Variants in MUC12 observed in about 807,000 individuals in gnomAD.
MUC12 encodes mucin-12.
Under a neutral mutation model 230.8 loss-of-function variants are expected in MUC12, and 172 were observed. The observed-to-expected ratio is 0.75, with a 90% CI of 0.66 to 0.85. The LOEUF (loss-of-function observed/expected upper bound fraction) is 0.85, where lower values mean the gene tolerates loss of function less well. Ranked by LOEUF, MUC12 falls within the 40% of genes least tolerant of loss-of-function variation. The probability of loss-of-function intolerance (pLI) is 0.00; values close to 1 mark genes in which losing one functional copy is unlikely to be tolerated. For missense variants in MUC12, 3,506 were observed against 5,920.6 expected, an observed-to-expected ratio of 0.59 and a Z score of 13.38; for synonymous variants, 1,259 against 2,401.9, an observed-to-expected ratio of 0.52 and a Z score of 13.91.
At chr7:100,972,652 G>C (rs536871746) in intron 1 of MUC12, among the ~76,000 whole-genome samples, 1 of 152,128 alleles carries the variant, frequency 6.6e-6, no homozygotes, top group Non-Finnish European at 1.5e-5. Context: ...ACAGGTGTGC[G>C]CCAACATGCT....
rs1414576951 is a variant in MUC12 at position 100,993,307 on chromosome 7, G to A, written c.2744G>A (p.Gly915Asp). ...TCAACAACTTCCCACAGCAGCTCAG[G>A]TTCAACTGACACAGCACTGTCCCCT... ...QESTTSHSSS[G>D]STDTALSPGS... Residue 915 changes from glycine to aspartate, a missense_variant, in exon 2 of 12, where the codon GGT (glycine) becomes GAT (aspartate). Gly to Asp is a moderately conservative substitution (Grantham distance 94). Transcript: ENST00000536621. The A allele has an allele frequency of 3.3e-6, 3 of 905,308 alleles. 1 individual carries two copies. The highest frequency in any genetic ancestry group is 1.6e-5 in the South Asian group (1 of 63,992). The allele number at this position is 905,308 out of a possible 1,614,324, so 56.1% of individuals were successfully genotyped here.
chr7:100,977,050 CAAAAAAAAAAAAAAAA>C (rs1157648244), intron 1 of MUC12, among the ~76,000 whole-genome samples: 7 of 62,414 alleles, frequency 1.1e-4, no homozygotes, highest in Admixed American at 2.1e-4. Context: ...GACTCCATCT[CAAAAAAAAAAAAAAAA>C]AAAAAAAAAA....
chr7:100,976,728 T>G (rs896180933), intron 1 of MUC12, among the ~76,000 whole-genome samples: 2 of 151,732 alleles, frequency 1.3e-5, no homozygotes, highest in African/African-American at 4.8e-5. Flanking sequence ...TGGGTTTTTA[T>G]ACGTGGGGAA....
chr7:100,982,768 T>C (rs550394109), intron 1 of MUC12, among the ~76,000 whole-genome samples: 55 of 151,964 alleles, frequency 3.6e-4, no homozygotes, highest in African/African-American at 1.3e-3. Context: ...CTTTCTCTGT[T>C]ACCCAAGCTG....
At position 100,991,530 on chromosome 7, in the gene MUC12, AC is replaced by A. The variant is rs576749793; in HGVS notation, c.969del (p.Leu324TrpfsTer84). 2.5e-5 allele frequency: 38 copies of A among 1,536,482 alleles called. No individual in the cohort carries two copies. In the African/African-American group the frequency reaches 5.1e-4, roughly 21 times the overall value. ...AACCCACTTTTCTGCCAGCTCCACA[AC>A]CTTGGGCCATAGTGAGGAATCGACA... ...PTTHFSASST[T>X]LGHSEESTPV... On this transcript the variant is annotated frameshift_variant, in exon 2 of 12. Coordinates refer to ENST00000536621, the MANE Select transcript of MUC12 (RefSeq NM_001164462.2). LOFTEE classifies it high-confidence loss of function.
At position 100,992,558 on chromosome 7, in the gene MUC12, G is replaced by A. The variant is rs193168516; in HGVS notation, c.1995G>A (p.Pro665=). 4.0e-5 allele frequency: 61 copies of A among 1,537,826 alleles called. No individual in the cohort carries two copies. Among genetic ancestry groups the A allele is most frequent in the East Asian group, 1.5e-4 (6 of 40,918 alleles). ...VEPSTTSHGS[P]SSIPTTHISA... Reference sequence around the variant, plus strand: ...CATCTACAACCTCCCACGGCAGCCCGAGCTCAATTCCAACAACCCACATTT... The same window carrying A: ...CATCTACAACCTCCCACGGCAGCCCAAGCTCAATTCCAACAACCCACATTT... The change falls in exon 2 of 12, where the codon CCG becomes CCA. Residue 665 remains proline, a synonymous_variant. Transcript: ENST00000536621.
chr7:101,004,876 C>T lies in MUC12; in HGVS notation c.14313C>T (p.Ser4771=). 1 of 1,537,828 alleles carries T rather than the reference C, an allele frequency of 6.5e-7. No homozygotes were observed. ...SISGEPTSLY[S]QAESTHTTAF... ...GTGGAGAACCCACCAGCTTGTATAG[C>T]CAAGCAGAGTCAACACACACAACAG... Residue 4771 remains serine, a synonymous_variant, in exon 2 of 12, where the codon AGC becomes AGT. Coordinates refer to ENST00000536621, the MANE Select transcript of MUC12 (RefSeq NM_001164462.2).
intron 1 of MUC12, among the ~76,000 whole-genome samples, chr7:100,976,755 T>A (rs1324715916): frequency 6.7e-6 from 1 of 150,296 alleles, no homozygotes; most frequent in Non-Finnish European, 1.5e-5. Context: ...ACAGAGATGA[T>A]AAATAATTTG....
At chr7:101,017,692 C>CA in intron 11 of MUC12, 29 bp downstream of exon 11, 1 of 1,487,488 alleles carries the variant, frequency 6.7e-7, no homozygotes, top group Non-Finnish European at 9.1e-7. Flanking sequence ...GCCCCCACCC[C>CA]CTGAGGCTGC....
In MUC12 at chr7:100,992,348, C is replaced by A. The variant is rs1407199897; in HGVS notation, c.1785C>A (p.Asn595Lys). 6 of 1,536,586 alleles carry A rather than the reference C, an allele frequency of 3.9e-6. No homozygotes were observed. The highest frequency in any genetic ancestry group is 5.2e-6 in the Non-Finnish European group (6 of 1,146,040). Residue 595 changes from asparagine to lysine, a missense_variant, in exon 2 of 12, where the codon AAC (asparagine) becomes AAA (lysine). Transcript: ENST00000536621. ...CTGAAACAACACTCTTACCTGACAA[C>A]ACCACAGCCTCAGGACTCCTTGAAG... ...GSTETTLLPDNTTASGLLEAS... is the reference protein window; with the variant it reads ...GSTETTLLPDKTTASGLLEAS...
intron 10 of MUC12, chr7:101,017,280 C>CA: frequency 3.0e-6 from 1 of 333,390 alleles, no homozygotes; most frequent in Admixed American, 4.5e-5. Flanking sequence ...ACTCTGACCT[C>CA]ACCCCTGAGT....
At chr7:101,017,518 C>A in intron 10 of MUC12, 57 bp from the exon 11 acceptor site, 1 of 1,101,058 alleles carries the variant, frequency 9.1e-7, no homozygotes, top group Non-Finnish European at 1.3e-6. Context: ...ATCCCCTCTG[C>A]CCCCTAGTCC....
intron 3 of MUC12, 110 bp downstream of exon 3, chr7:101,006,682 T>C (rs944549262): frequency 8.0e-6 from 6 of 748,806 alleles, no homozygotes; most frequent in Non-Finnish European, 1.4e-5. Flanking sequence ...GTGGAGGAGG[T>C]GTGACTCTTC....
Position 100,991,155 on chromosome 7 carries a change from A to G in MUC12, c.592A>G (p.Ser198Gly). Residue 198 changes from serine to glycine, a missense_variant, in exon 2 of 12, where the codon AGC becomes GGC. By Grantham distance (56) the Ser-to-Gly change is moderately conservative. Transcript: ENST00000536621. The stretch of plus-strand genomic sequence containing the variant: ...CAGTCAGGAATCTACAGCTTCCCAC[A>G]GCATCCCCGGCTCCACAGACACAAC... The part of the protein sequence containing the change: ...GVSQESTASH[S>G]IPGSTDTTLS... 2 of 1,537,806 alleles carry G rather than the reference A, an allele frequency of 1.3e-6. No individual in the cohort carries two copies. Among genetic ancestry groups the G allele is most frequent in the South Asian group, 1.2e-5 (1 of 84,054 alleles).
At chr7:100,974,595 G>A (rs1288441198) in intron 1 of MUC12, among the ~76,000 whole-genome samples, 2 of 152,258 alleles carry the variant, frequency 1.3e-5, no homozygotes, top group Admixed American at 6.5e-5. Context: ...TGAGGTGGGA[G>A]GATTGTTTGA....
chr7:100,975,019 A>G (rs1455941634), intron 1 of MUC12, among the ~76,000 whole-genome samples: 1 of 150,264 alleles, frequency 6.7e-6, no homozygotes, highest in Non-Finnish European at 1.5e-5. Flanking sequence ...GTGGAAGACA[A>G]GGGTCTCCAG....
chr7:100,983,415 G>GT (rs1252715862), intron 1 of MUC12, among the ~76,000 whole-genome samples: 3 of 146,832 alleles, frequency 2.0e-5, no homozygotes, highest in African/African-American at 5.1e-5. Flanking sequence ...GCGAGACTCC[G>GT]TTAAAAAAAA....
In MUC12 at chr7:101,005,059, T is replaced by C; in HGVS notation, c.14496T>C (p.Ala4832=). The C allele has an allele frequency of 6.5e-6, 10 of 1,537,674 alleles. No homozygotes were observed. The highest frequency in any genetic ancestry group is 8.7e-6 in the Non-Finnish European group (10 of 1,147,008). The change falls in exon 2 of 12, where the codon GCT becomes GCC. Residue 4832 remains alanine, a synonymous_variant. Coordinates refer to ENST00000536621, the MANE Select transcript of MUC12 (RefSeq NM_001164462.2). ...FTTPHSQPGS[A]LSTVSPASTT... ...CCCCTCATAGCCAACCAGGCTCAGC[T>C]CTGTCAACAGTGTCACCTGCCAGCA... is the stretch of plus-strand genomic sequence containing the variant.
chr7:101,012,709 G>A (rs1793855414), intron 6 of MUC12, 110 bp from the exon 7 acceptor site: 2 of 1,253,818 alleles, frequency 1.6e-6, no homozygotes, highest in African/African-American at 3.0e-5. Context: ...AGACTCCCAC[G>A]GGCATTGGCC....
Sources: gnomAD v4.1 joint callset for allele counts (sites outside exome capture counted in the v4.1 genomes callset) on GRCh38, gnomAD v4.1.1 for gene constraint, MANE v1.5 for transcripts, NCBI Gene and HGNC (gene_info 2026-07-23, HGNC 2026-07-21) for gene names.